COX6B2: variants seen among roughly 807,000 people sequenced by gnomAD.
COX6B2 encodes COX VIb-2.
In COX6B2, 12 loss-of-function variants were observed where a neutral mutation model predicts 13.7. That is an observed-to-expected ratio of 0.87 (90% CI 0.56 to 1.41). COX6B2 has a LOEUF of 1.41. COX6B2 is among the 40% of genes most tolerant of loss of function. The probability of loss-of-function intolerance (pLI) is 0.00; values close to 1 mark genes in which losing one functional copy is unlikely to be tolerated. For synonymous variants in COX6B2, 56 were observed against 46.6 expected, an observed-to-expected ratio of 1.20 and a Z score of -0.82; for missense variants, 130 against 118.3, an observed-to-expected ratio of 1.10 and a Z score of -0.46.
rs2089689343 is a variant in COX6B2 at position 55,353,984 on chromosome 19, C to T, written c.113-18G>A. 7 of 1,533,858 alleles carry T rather than the reference C, an allele frequency of 4.6e-6. No homozygotes were observed. Among genetic ancestry groups the T allele is most frequent in the African/African-American group, 1.4e-5 (1 of 72,946 alleles). Reference sequence around the variant, plus strand: ...GTGGTAGTCTGTGGCGGGCGGGGGTCACGCGGCAAGCCACGCCCATTCCAG... The same window carrying T: ...GTGGTAGTCTGTGGCGGGCGGGGGTTACGCGGCAAGCCACGCCCATTCCAG... On this transcript the variant is annotated intron_variant, in intron 2 of 4. Transcript: ENST00000326529.
At chr19:55,354,314 C>T (rs1471995018) in intron 2 of COX6B2, 96 bp downstream of exon 2, 1 of 1,091,092 alleles carries the variant, frequency 9.2e-7, no homozygotes, top group Admixed American at 1.8e-5. Context: ...GGCCTCCCAC[C>T]CTAACGGTCT....
At chr19:55,351,077 G>A (rs1466668670) in intron 4 of COX6B2, among the ~76,000 whole-genome samples, 1 of 152,206 alleles carries the variant, frequency 6.6e-6, no homozygotes, top group Non-Finnish European at 1.5e-5. Flanking sequence ...CACAATATGG[G>A]GCACCAGAAC....
intron 1 of COX6B2, 36 bp downstream of exon 1, chr19:55,354,614 A>C: frequency 3.4e-6 from 3 of 891,048 alleles, no homozygotes; most frequent in South Asian, 1.5e-5. Context: ...CCCCATCCTG[A>C]CCCCCGCCCC....
At position 55,354,678 on chromosome 19, in the gene COX6B2, G is replaced by A. The variant is rs2089697259; in HGVS notation, c.-47C>T. ...CCTGACGTTGGCGGCCACTGGATCT[G>A]CTGTGGGATGGTCCCGGGGTGCCGC... On this transcript the variant is annotated 5_prime_UTR_variant, in exon 1 of 5. Transcript: ENST00000326529. 1 of 606,806 alleles carries A rather than the reference G, an allele frequency of 1.6e-6. No individual in the cohort carries two copies. Among genetic ancestry groups the A allele is most frequent in the Non-Finnish European group, 2.9e-6 (1 of 342,792 alleles). 37.6% of individuals were successfully genotyped at this position (606,806 alleles called of 1,614,324 possible).
chr19:55,354,061 G>A, intron 2 of COX6B2, 95 bp from the exon 3 acceptor site: 1 of 1,148,596 alleles, frequency 8.7e-7, no homozygotes, highest in South Asian at 1.4e-5. Flanking sequence ...TCGCTGCTTC[G>A]TCCCGCCTCC....
At chr19:55,353,003 C>A in intron 4 of COX6B2, 1 of 153,240 alleles carries the variant, frequency 6.5e-6, no homozygotes, top group Admixed American at 6.5e-5. Flanking sequence ...GGTGCGGGTG[C>A]CGAAAGCGTG....
Position 55,354,493 on chromosome 19 carries a change from G to T in COX6B2, c.29C>A (p.Pro10His), listed in dbSNP as rs375376285. The stretch of plus-strand genomic sequence containing the variant: ...GGGCGGCGTCGACCATTTCCCCTTG[G>T]GGGGCTCCTGGGCTTCCACATCCAA... MLDVEAQEPPKGKWSTPPFD... is the reference protein window; with the variant it reads MLDVEAQEPHKGKWSTPPFD... Residue 10 changes from proline (P) to histidine (H), a missense_variant, in exon 2 of 5, where the codon CCC (proline) becomes CAC (histidine). By Grantham distance (77) the Pro-to-His change is moderately conservative. Transcript: ENST00000326529. 176 of 1,613,356 alleles carry T rather than the reference G, an allele frequency of 1.1e-4. 2 individuals carry two copies. The highest frequency in any genetic ancestry group is 9.4e-4 in the South Asian group (86 of 91,050).
chr19:55,353,734 G>A lies in COX6B2; in HGVS notation c.254C>T (p.Ala85Val), dbSNP rs771433803. The A allele has an allele frequency of 2.5e-5, 41 of 1,609,812 alleles. No individual in the cohort carries two copies. Among genetic ancestry groups the A allele is most frequent in the Non-Finnish European group, 3.4e-5 (40 of 1,177,640 alleles). Residue 85 changes from alanine to valine, a missense_variant, in exon 4 of 5, where the codon GCC becomes GTC. Ala to Val is a moderately conservative substitution (Grantham distance 64, BLOSUM62 0). Coordinates refer to ENST00000326529, the MANE Select transcript of COX6B2 (RefSeq NM_144613.5). Reference sequence around the variant, plus strand: ...GCGCTGGGGCAGTCAGATTTTGCCGGCGAAAATCCCGTTCTTGATCTGCTC... The same window carrying A: ...GCGCTGGGGCAGTCAGATTTTGCCGACGAAAATCCCGTTCTTGATCTGCTC... ...WNEQIKNGIF[A>V]GKI
intron 4 of COX6B2, 24 bp downstream of exon 4, chr19:55,353,580 TAAG>T: frequency 3.8e-6 from 3 of 786,666 alleles, no homozygotes; most frequent in Non-Finnish European, 6.1e-6. Flanking sequence ...GGCTGGGCAT[TAAG>T]AAGAAACATC....
At chr19:55,354,320 G>A in intron 2 of COX6B2, 90 bp downstream of exon 2, 2 of 748,094 alleles carry the variant, frequency 2.7e-6, no homozygotes, top group Middle Eastern at 5.3e-4. Flanking sequence ...CCACCCTAAC[G>A]GTCTCCGCGG....
At position 55,353,984 on chromosome 19, in the gene COX6B2, C is replaced by G; in HGVS notation, c.113-18G>C. 1 of 1,533,858 alleles carries G rather than the reference C, an allele frequency of 6.5e-7. No individual in the cohort carries two copies. The highest frequency in any genetic ancestry group is 8.7e-7 in the Non-Finnish European group (1 of 1,144,658). On this transcript the variant is annotated intron_variant, in intron 2 of 4. Transcript: ENST00000326529. ...GTGGTAGTCTGTGGCGGGCGGGGGT[C>G]ACGCGGCAAGCCACGCCCATTCCAG...
In COX6B2 at chr19:55,352,032, G is replaced by C. The variant is rs1195787592; in HGVS notation, c.*115-1232C>G. On this transcript the variant is annotated intron_variant, in intron 4 of 4. Coordinates refer to ENST00000326529, the MANE Select transcript of COX6B2 (RefSeq NM_144613.5). This position sits in a 1 kb window ranked among gnomAD's most constrained non-coding sequence, Gnocchi z 6.2. ...CTAGACACGGCTCTGGGGAGGTCAGGAGGCTGCTGTGGCTGCACAGGTGTG... is the reference window on the plus strand; with the variant it reads ...CTAGACACGGCTCTGGGGAGGTCAGCAGGCTGCTGTGGCTGCACAGGTGTG... 18 of 152,628 alleles carry C rather than the reference G, an allele frequency of 1.2e-4. No homozygotes were observed. The highest frequency in any genetic ancestry group is 1.2e-3 in the Admixed American group (18 of 15,282). The allele number at this position is 152,628 out of a possible 1,614,324, so 9.5% of individuals were successfully genotyped here. A position where few individuals can be genotyped will look rare whatever the true frequency, so the allele number is the denominator to read the frequency against.
At position 55,349,731 on chromosome 19, in the gene COX6B2, A is replaced by G. The variant is rs1054907303; in HGVS notation, c.*1184T>C. ...TTAAATGTTGAGAGTATATATTTAC[A>G]TGCACATTTTTTATAGGGGGTTCAG... On this transcript the variant is annotated 3_prime_UTR_variant, in exon 5 of 5. Coordinates refer to ENST00000326529, the MANE Select transcript of COX6B2 (RefSeq NM_144613.5). The G allele has an allele frequency of 4.6e-5, 7 of 152,218 alleles. No homozygotes were observed. The highest frequency in any genetic ancestry group is 1.7e-4 in the African/African-American group (7 of 41,444). 9.4% of individuals were successfully genotyped at this position (152,218 alleles called of 1,614,324 possible).
intron 4 of COX6B2, among the ~76,000 whole-genome samples, chr19:55,351,493 C>T (rs752739398): frequency 2.6e-5 from 4 of 151,730 alleles, no homozygotes; most frequent in East Asian, 1.9e-4. Flanking sequence ...GTCTGGAGGC[C>T]GGGAGGACGG....
chr19:55,352,340 AG>A lies in COX6B2; in HGVS notation c.*114+1266del, dbSNP rs2089675400. The A allele has an allele frequency of 6.6e-6, 1 of 152,242 alleles. No individual in the cohort carries two copies. Among genetic ancestry groups the A allele is most frequent in the African/African-American group, 2.4e-5 (1 of 41,388 alleles). The allele number at this position is 152,242 out of a possible 1,614,324, so 9.4% of individuals were successfully genotyped here. ...CTAGGGTGTGTCCTGGGCAGCATGGAGGGCAGGTGATGGACAGGTCATCATG... is the reference window on the plus strand; with the variant it reads ...CTAGGGTGTGTCCTGGGCAGCATGGAGGCAGGTGATGGACAGGTCATCATG... On this transcript the variant is annotated intron_variant, in intron 4 of 4. Coordinates refer to ENST00000326529, the MANE Select transcript of COX6B2 (RefSeq NM_144613.5). This position sits in a 1 kb window ranked among gnomAD's most constrained non-coding sequence, Gnocchi z 6.2.
chr19:55,353,357 G>A, intron 4 of COX6B2: 1 of 385,148 alleles, frequency 2.6e-6, no homozygotes, highest in Non-Finnish European at 4.9e-6. Flanking sequence ...GGGGACCCTG[G>A]GCTGGCTCGT....
intron 2 of COX6B2, 52 bp downstream of exon 2, chr19:55,354,358 C>T (rs2089693904): frequency 6.9e-7 from 1 of 1,445,710 alleles, no homozygotes; most frequent in Non-Finnish European, 9.6e-7. Flanking sequence ...CCCCTCCCTG[C>T]CGTCCCTTGT....
intron 2 of COX6B2, 112 bp downstream of exon 2, chr19:55,354,298 C>T: frequency 9.9e-7 from 1 of 1,013,972 alleles, no homozygotes; most frequent in Non-Finnish European, 1.5e-6. Flanking sequence ...CAACCCGGCC[C>T]CGCCCGGCCT....
intron 4 of COX6B2, chr19:55,353,203 T>C: frequency 5.5e-6 from 1 of 180,562 alleles, no homozygotes; most frequent in Non-Finnish European, 1.2e-5. Context: ...CGAGATGGGA[T>C]GGATCAGGGG....
Sources: gnomAD v4.1 joint callset for allele counts (sites outside exome capture counted in the v4.1 genomes callset) on GRCh38, gnomAD v4.1.1 for gene constraint, Gnocchi (gnomAD v3.1) non-coding constraint, MANE v1.5 for transcripts, NCBI Gene and HGNC (gene_info 2026-07-23, HGNC 2026-07-21) for gene names.